FOXP1: variants seen among roughly 807,000 people sequenced by gnomAD.
FOXP1 encodes forkhead box protein P1.
A neutral mutation model predicts 98.2 loss-of-function variants in FOXP1; 15 were observed. The observed-to-expected ratio is 0.15, with a 90% confidence interval of 0.10 to 0.24. The LOEUF is 0.24. Among genes scored for constraint, FOXP1 ranks in the 10% least tolerant of loss-of-function variants. The pLI, the probability that FOXP1 is intolerant of heterozygous loss-of-function variation, is 1.00. For synonymous variants in FOXP1, 371 were observed against 314.5 expected, an observed-to-expected ratio of 1.18 and a Z score of -1.90; for missense variants, 633 against 848.5, an observed-to-expected ratio of 0.75 and a Z score of 3.15.
In FOXP1 at chr3:71,039,543, G is replaced by A. The variant is rs937172768; in HGVS notation, c.869+1785C>T. ...TCTATGTCACAGGAAATCTGTGCAG[G>A]CTCCACAACAGCCGATGAGATTGCC... On this transcript the variant is annotated intron_variant, in intron 11 of 20. Coordinates refer to ENST00000649528, the MANE Select transcript of FOXP1 (RefSeq NM_001349338.3). 2.0e-5 allele frequency among the ~76,000 whole-genome samples: 3 copies of A among 152,056 alleles called. No homozygotes were observed. The East Asian group carries it at 5.8e-4, about 29-fold the overall frequency.
chr3:71,494,486 T>A (rs1236501621), intron 2 of FOXP1, among the ~76,000 whole-genome samples: 3 of 152,190 alleles, frequency 2.0e-5, no homozygotes, highest in African/African-American at 7.2e-5. Flanking sequence ...GCGCTTAGAA[T>A]GCTAAGCCTG....
intron 6 of FOXP1, among the ~76,000 whole-genome samples, chr3:71,191,150 T>C (rs1303602438): frequency 6.6e-6 from 1 of 152,234 alleles, no homozygotes; most frequent in African/African-American, 2.4e-5. Context: ...TTCTGCCTGC[T>C]CAGCACTAGT....
chr3:71,232,870 T>C, intron 5 of FOXP1, among the ~76,000 whole-genome samples: 1 of 10,966 alleles, frequency 9.1e-5, no homozygotes, highest in East Asian at 9.3e-3. Context: ...AGAGCAAAAC[T>C]CTGTCTCAAA....
chr3:71,450,686 C>G (rs1038241035), intron 3 of FOXP1, among the ~76,000 whole-genome samples: 3 of 152,086 alleles, frequency 2.0e-5, no homozygotes, highest in Non-Finnish European at 4.4e-5. Context: ...TGTCTAAATA[C>G]TGTTTCTTGT....
intron 7 of FOXP1, chr3:71,065,030 G>GCCACC (rs1451996663): frequency 8.4e-6 from 1 of 118,524 alleles, no homozygotes; most frequent in African/African-American, 3.1e-5. Flanking sequence ...AACACCCCGC[G>GCCACC]CCGCGCCGCG....
At chr3:71,345,838 T>G (rs1413397287) in intron 4 of FOXP1, among the ~76,000 whole-genome samples, 1 of 116,732 alleles carries the variant, frequency 8.6e-6, no homozygotes, top group East Asian at 2.4e-4. Context: ...GGACTACCGA[T>G]AGGCTATAGG....
At chr3:70,972,316 G>A (rs556926407) in intron 18 of FOXP1, 6 of 943,046 alleles carry the variant, frequency 6.4e-6, no homozygotes, top group African/African-American at 1.7e-5. Flanking sequence ...GTTTGTGAGG[G>A]TTAATATGCA....
At chr3:71,562,189 G>A (rs765518321) in intron 2 of FOXP1, among the ~76,000 whole-genome samples, 2 of 152,186 alleles carry the variant, frequency 1.3e-5, no homozygotes, top group South Asian at 2.1e-4. Flanking sequence ...CCTGGACAGG[G>A]AGCAATGATA....
chr3:70,978,449 C>T (rs939238936), intron 14 of FOXP1, among the ~76,000 whole-genome samples: 11 of 152,082 alleles, frequency 7.2e-5, no homozygotes, highest in South Asian at 2.1e-4. Flanking sequence ...AGTTGGGATA[C>T]GCTGGTGTAG....
At chr3:71,344,444 C>T (rs1456036713) in intron 4 of FOXP1, among the ~76,000 whole-genome samples, 1 of 152,172 alleles carries the variant, frequency 6.6e-6, no homozygotes, top group African/African-American at 2.4e-5. Flanking sequence ...GTTAAAACGA[C>T]AAATAATATG....
At chr3:71,014,178 T>C (rs1419361575) in intron 12 of FOXP1, among the ~76,000 whole-genome samples, 2 of 152,078 alleles carry the variant, frequency 1.3e-5, no homozygotes, top group African/African-American at 2.4e-5. Context: ...CTAAAAAGCT[T>C]CTGCACAGCA....
intron 6 of FOXP1, among the ~76,000 whole-genome samples, chr3:71,178,839 G>A (rs888148690): frequency 3.3e-5 from 5 of 151,152 alleles, no homozygotes; most frequent in Non-Finnish European, 5.9e-5. Flanking sequence ...AGCCAAGATC[G>A]CACCACTGCA....
At chr3:70,988,741 T>C (rs1237543623) in intron 13 of FOXP1, among the ~76,000 whole-genome samples, 1 of 152,266 alleles carries the variant, frequency 6.6e-6, no homozygotes, top group Non-Finnish European at 1.5e-5. Flanking sequence ...TGGATATACA[T>C]AGTAGGCACT....
intron 19 of FOXP1, chr3:70,966,297 A>T: frequency 1.9e-6 from 1 of 536,192 alleles, no homozygotes; most frequent in Non-Finnish European, 3.4e-6. Context: ...GGTAGGAAGG[A>T]CTCAATTTGG....
rs189387692 is a variant in FOXP1, at chr3:71,071,590, T to C, written c.283-17817A>G. 3.3e-5 allele frequency among the ~76,000 whole-genome samples: 5 copies of C among 152,312 alleles called. No homozygotes were observed. In the East Asian group the frequency reaches 5.8e-4, roughly 18 times the overall value. Reference sequence around the variant, plus strand: ...TCTCTATAATTTCTTTTTTTCTTTTTTGAGATGGAGTCTCGCTCTTGTCAC... The same window carrying C: ...TCTCTATAATTTCTTTTTTTCTTTTCTGAGATGGAGTCTCGCTCTTGTCAC... On this transcript the variant is annotated intron_variant, in intron 7 of 20. Coordinates refer to ENST00000649528, the MANE Select transcript of FOXP1 (RefSeq NM_001349338.3).
At chr3:71,054,078 G>T (rs2050285904) in intron 7 of FOXP1, among the ~76,000 whole-genome samples, 2 of 152,212 alleles carry the variant, frequency 1.3e-5, no homozygotes, top group Admixed American at 6.5e-5. Context: ...ATTGCTTATT[G>T]AGAGTGAGTT....
chr3:70,996,757 T>C (rs765354860), intron 13 of FOXP1, among the ~76,000 whole-genome samples: 6 of 152,152 alleles, frequency 3.9e-5, no homozygotes, highest in Non-Finnish European at 7.4e-5. Flanking sequence ...CCTCCATCGA[T>C]GTATATGGTA....
At chr3:71,336,238 T>TATAAAAAC (rs1218340345) in intron 4 of FOXP1, among the ~76,000 whole-genome samples, 1 of 148,136 alleles carries the variant, frequency 6.8e-6, no homozygotes. Flanking sequence ...ATTTATAGTT[T>TATAAAAAC]ATAAAAACAT....
At chr3:71,198,898 A>G (rs1183756676) in intron 5 of FOXP1, among the ~76,000 whole-genome samples, 1 of 151,836 alleles carries the variant, frequency 6.6e-6, no homozygotes, top group Non-Finnish European at 1.5e-5. Flanking sequence ...GTGTTTCACC[A>G]TGTTGGTTAG....
Sources: allele counts gnomAD v4.1 joint callset (sites outside exome capture counted in the v4.1 genomes callset), GRCh38; gene constraint gnomAD v4.1.1; transcripts MANE v1.5; gene names NCBI Gene and HGNC (gene_info 2026-07-23, HGNC 2026-07-21).